The following NRXN1 variants were observed in gnomAD, a reference collection of about 807,000 sequenced individuals.
NRXN1 encodes neurexin-1.
NRXN1 carries 39 observed loss-of-function variants against 150.9 expected under a neutral mutation model. The ratio of observed to expected loss-of-function variants is 0.26; its 90% CI spans 0.20 to 0.34. NRXN1 has a LOEUF of 0.34. Ranked by LOEUF, NRXN1 falls within the 10% of genes least tolerant of loss-of-function variation. The pLI, the probability that NRXN1 is intolerant of heterozygous loss-of-function variation, is 1.00. For synonymous variants in NRXN1, 924 were observed against 757.0 expected (o/e 1.22, Z -3.62); for missense variants, 1,815 against 1,949.9 (o/e 0.93, Z 1.30).
intron 21 of NRXN1, among the ~76,000 whole-genome samples, chr2:50,038,303 C>A (rs1195566579): frequency 6.6e-6 from 1 of 152,122 alleles, no homozygotes; most frequent in African/African-American, 2.4e-5. Context: ...CTTACAGCAG[C>A]CAGGAGGAAG....
chr2:50,905,742 ATATTT>A (rs540597538), intron 5 of NRXN1, among the ~76,000 whole-genome samples: 1 of 152,144 alleles, frequency 6.6e-6, no homozygotes. Context: ...TATGGTCATT[ATATTT>A]TATATTTTAC....
At chr2:50,448,061 C>G (rs554056665) in intron 17 of NRXN1, among the ~76,000 whole-genome samples, 1 of 151,944 alleles carries the variant, frequency 6.6e-6, no homozygotes, top group South Asian at 2.1e-4. Context: ...AATTTGAACA[C>G]CAGGAGACCT....
At chr2:50,498,588 TG>T (rs2091774639) in intron 13 of NRXN1, among the ~76,000 whole-genome samples, 1 of 152,190 alleles carries the variant, frequency 6.6e-6, no homozygotes, top group Non-Finnish European at 1.5e-5. Context: ...TCTCTATCCC[TG>T]CATATTTCCC....
intron 18 of NRXN1, among the ~76,000 whole-genome samples, chr2:50,115,215 G>C (rs1165562533): frequency 1.4e-5 from 1 of 70,706 alleles, no homozygotes; most frequent in Non-Finnish European, 3.0e-5. Flanking sequence ...TATATGTTAT[G>C]TGTATATATA....
At chr2:50,515,849 G>C (rs2092615977) in intron 12 of NRXN1, among the ~76,000 whole-genome samples, 1 of 152,064 alleles carries the variant, frequency 6.6e-6, no homozygotes, top group African/African-American at 2.4e-5. Context: ...TGATGCCTGA[G>C]TCATAGTTGC....
At chr2:50,528,601 T>A (rs201696857) in intron 12 of NRXN1, 24 bp downstream of exon 12, 17 of 1,363,566 alleles carry the variant, frequency 1.2e-5, no homozygotes, top group Non-Finnish European at 1.7e-5. Context: ...AATAACATTT[T>A]AAAAATTTTG....
intron 10 of NRXN1, among the ~76,000 whole-genome samples, chr2:50,533,819 T>C (rs892616140): frequency 6.6e-6 from 1 of 152,146 alleles, no homozygotes; most frequent in Non-Finnish European, 1.5e-5. Context: ...TCACCCCAGA[T>C]CTTTAAATAG....
chr2:49,938,564 CTCT>C (rs146839594), intron 22 of NRXN1, among the ~76,000 whole-genome samples: 2,973 of 152,208 alleles, frequency 0.02, 102 homozygotes, highest in African/African-American at 0.066. Flanking sequence ...TTCAATGGAA[CTCT>C]TCTTTTCCTA....
At chr2:50,600,943 A>T (rs1436231531) in intron 8 of NRXN1, among the ~76,000 whole-genome samples, 2 of 151,380 alleles carry the variant, frequency 1.3e-5, no homozygotes, top group Non-Finnish European at 2.9e-5. Context: ...TTATTTGTGA[A>T]TTAAAAAAAA....
At chr2:50,264,308 A>T (rs2068620617) in intron 17 of NRXN1, among the ~76,000 whole-genome samples, 1 of 152,114 alleles carries the variant, frequency 6.6e-6, no homozygotes, top group South Asian at 2.1e-4. Context: ...AGAATAGATA[A>T]CATTGTAGAA....
intron 5 of NRXN1, among the ~76,000 whole-genome samples, chr2:50,653,530 T>G (rs994698243): frequency 1.3e-5 from 2 of 152,082 alleles, no homozygotes. Context: ...CTAGAGAAAC[T>G]TTTAGGCAAC....
intron 18 of NRXN1, among the ~76,000 whole-genome samples, chr2:50,158,813 C>T (rs1162513540): frequency 2.5e-4 from 38 of 151,946 alleles, no homozygotes; most frequent in Admixed American, 2.5e-3. Context: ...TATTGGCTAC[C>T]CTGTTTATTA....
At chr2:50,060,705 G>A (rs1043375356) in intron 19 of NRXN1, among the ~76,000 whole-genome samples, 4 of 152,120 alleles carry the variant, frequency 2.6e-5, no homozygotes, top group Non-Finnish European at 4.4e-5. Context: ...CTCATATAGT[G>A]AATAAGTGTC....
In NRXN1 at chr2:51,028,343, G is replaced by C; in HGVS notation, c.-70C>G. ...TCAAAATGGTCCTGGACACCGTGAC[G>C]AAGAAATAAGGGTCCCGAGAGACAG... On this transcript the variant is annotated 5_prime_UTR_variant, in exon 2 of 23. Coordinates refer to ENST00000401669, the MANE Select transcript of NRXN1 (RefSeq NM_001330078.2). 1 of 1,053,856 alleles carries C rather than the reference G, an allele frequency of 9.5e-7. No individual in the cohort carries two copies. The highest frequency in any genetic ancestry group is 1.3e-6 in the Non-Finnish European group (1 of 772,814). 65.3% of individuals were successfully genotyped at this position (1,053,856 alleles called of 1,614,324 possible). A position where few individuals can be genotyped will look rare whatever the true frequency, so the allele number is the denominator to read the frequency against.
chr2:50,139,658 A>G lies in NRXN1; in HGVS notation c.3547-48164T>C, dbSNP rs376373116. On this transcript the variant is annotated intron_variant, in intron 18 of 22. Transcript: ENST00000401669. ...AGTAATGATCCAGTTTAATAACCTC[A>G]TATATTTGGCTTGGGGTAAATATCA... 5.3e-5 allele frequency among the ~76,000 whole-genome samples: 8 copies of G among 152,302 alleles called. No individual in the cohort carries two copies. The East Asian group carries it at 1.3e-3, about 26-fold the overall frequency.
At chr2:50,495,378 GTGGT>G (rs1173889394) in intron 15 of NRXN1, among the ~76,000 whole-genome samples, 65 of 8,548 alleles carry the variant, frequency 7.6e-3, no homozygotes, top group Middle Eastern at 0.12. Flanking sequence ...GTGTGTGTGT[GTGGT>G]GTGTGTGTGT....
intron 21 of NRXN1, among the ~76,000 whole-genome samples, chr2:49,992,820 T>C (rs1682233890): frequency 6.6e-6 from 1 of 152,168 alleles, no homozygotes; most frequent in Non-Finnish European, 1.5e-5. Flanking sequence ...CTCCACATTA[T>C]ACACCATCAG....
chr2:50,960,147 A>T (rs992870585), intron 2 of NRXN1, among the ~76,000 whole-genome samples: 1 of 152,032 alleles, frequency 6.6e-6, no homozygotes, highest in Non-Finnish European at 1.5e-5. Context: ...TAACAGATGA[A>T]AAAATAAACA....
At chr2:50,997,901 A>G (rs1699537706) in intron 2 of NRXN1, among the ~76,000 whole-genome samples, 1 of 141,656 alleles carries the variant, frequency 7.1e-6, no homozygotes, top group African/African-American at 3.0e-5. Context: ...TATAATGTGG[A>G]TTGATGATAC....
Sources: allele counts gnomAD v4.1 joint callset (sites outside exome capture counted in the v4.1 genomes callset), GRCh38; gene constraint gnomAD v4.1.1; transcripts MANE v1.5; gene names NCBI Gene and HGNC (gene_info 2026-07-23, HGNC 2026-07-21).